TBCE: variants seen among roughly 807,000 people sequenced by gnomAD.
The protein encoded by TBCE is tubulin-specific chaperone E.
A neutral mutation model predicts 77.0 loss-of-function variants in TBCE; 53 were observed. That is an observed-to-expected ratio of 0.69 (90% CI 0.55 to 0.87). The LOEUF is 0.87. Among genes scored for constraint, TBCE ranks in the 40% least tolerant of loss-of-function variants. The probability of loss-of-function intolerance (pLI) is 0.00; values close to 1 mark genes in which losing one functional copy is unlikely to be tolerated. For missense variants in TBCE, 624 were observed against 622.4 expected, an observed-to-expected ratio of 1.00 and a Z score of -0.03; for synonymous variants, 235 against 241.3, an observed-to-expected ratio of 0.97 and a Z score of 0.24.
At chr1:235,448,509 C>CTAGA in intron 16 of TBCE, 69 bp downstream of exon 16, 2 of 1,495,308 alleles carry the variant, frequency 1.3e-6, no homozygotes, top group Non-Finnish European at 1.9e-6. Flanking sequence ...TAAACTGTCT[C>CTAGA]TAGATAGCAA....
At chr1:235,434,017 C>A in intron 7 of TBCE, 187 bp from the exon 8 acceptor site, 2 of 633,760 alleles carry the variant, frequency 3.2e-6, no homozygotes, top group East Asian at 5.5e-5. Flanking sequence ...TTAAAATGCA[C>A]CCCCTTAACA....
In TBCE at chr1:235,451,873, T is replaced by C. The variant is rs1185879059; in HGVS notation, c.*3111T>C. Reference sequence around the variant, plus strand: ...CCCAGGGCTCTAGTTTCCATTTTGGTCTCTGCAGATTCATTTTTTTTTCTG... The same window carrying C: ...CCCAGGGCTCTAGTTTCCATTTTGGCCTCTGCAGATTCATTTTTTTTTCTG... On this transcript the variant is annotated 3_prime_UTR_variant, in exon 17 of 17. Coordinates refer to ENST00000642610, the MANE Select transcript of TBCE (RefSeq NM_003193.5). 1 of 152,234 alleles carries C rather than the reference T, an allele frequency of 6.6e-6. No homozygotes were observed. The highest frequency in any genetic ancestry group is 1.5e-5 in the Non-Finnish European group (1 of 68,050). The allele number at this position is 152,234 out of a possible 1,614,324, so 9.4% of individuals were successfully genotyped here.
chr1:235,436,362 C>A, intron 9 of TBCE, 24 bp from the exon 10 acceptor site: 1 of 1,606,422 alleles, frequency 6.2e-7, no homozygotes, highest in South Asian at 1.1e-5. Context: ...TCTGTGTAAT[C>A]AAATTGTACA....
chr1:235,445,145 A>T (rs1449648357), intron 15 of TBCE, among the ~76,000 whole-genome samples: 2 of 152,252 alleles, frequency 1.3e-5, no homozygotes, highest in Non-Finnish European at 1.5e-5. Context: ...TCAGAATCTG[A>T]GTCCTATATT....
intron 5 of TBCE, among the ~76,000 whole-genome samples, chr1:235,425,248 T>G (rs538640559): frequency 3.5e-4 from 54 of 152,256 alleles, no homozygotes; most frequent in African/African-American, 9.9e-4. Context: ...GACAGTTCCA[T>G]TTGCACAGGC....
Position 235,392,417 on chromosome 1 carries a change from T to C in TBCE, c.101-9086T>C, listed in dbSNP as rs899180398. Among the ~76,000 whole-genome samples, 122 of 149,334 alleles carry C rather than the reference T, an allele frequency of 8.2e-4. 1 individual carries two copies. The highest frequency in any genetic ancestry group is 2.8e-3 in the African/African-American group (114 of 40,994). On this transcript the variant is annotated intron_variant, in intron 2 of 16. Coordinates refer to ENST00000642610, the MANE Select transcript of TBCE (RefSeq NM_003193.5). The stretch of plus-strand genomic sequence containing the variant: ...TGAACAGAATTTTTTTTTTTTTTTT[T>C]TTTTTTTTTTTAGACAGAGTCTCGC...
chr1:235,446,529 AC>A (rs1220092412), intron 15 of TBCE, among the ~76,000 whole-genome samples: 1 of 152,190 alleles, frequency 6.6e-6, no homozygotes, highest in Non-Finnish European at 1.5e-5. Flanking sequence ...CTAGAGGTAT[AC>A]CTCTCAAATT....
intron 15 of TBCE, among the ~76,000 whole-genome samples, chr1:235,445,457 C>T (rs1028132308): frequency 2.6e-5 from 4 of 152,016 alleles, no homozygotes; most frequent in African/African-American, 7.2e-5. Flanking sequence ...GGTGAAACCC[C>T]GTCTCTACAA....
chr1:235,443,542 A>AT (rs1433770217), intron 15 of TBCE, among the ~76,000 whole-genome samples: 2 of 152,158 alleles, frequency 1.3e-5, no homozygotes, highest in African/African-American at 4.8e-5. Context: ...GAGACCTTGA[A>AT]TGGCATAGCC....
chr1:235,448,367 AG>A lies in TBCE; in HGVS notation c.1420del (p.Val474Ter), dbSNP rs755029456. On this transcript the variant is annotated frameshift_variant, in exon 16 of 17. Coordinates refer to ENST00000642610, the MANE Select transcript of TBCE (RefSeq NM_003193.5). LOFTEE classifies it high-confidence loss of function. ...KQLPGSMTIQKVKGLLSRLLK... is the reference protein window; with the variant it reads ...KQLPGSMTIQXVKGLLSRLLK... The stretch of plus-strand genomic sequence containing the variant: ...TTGATAGGCTCCATGACAATTCAAA[AG>A]GTGAAGGGATTGCTGTCACGTCTTC... 1 of 1,614,212 alleles carries A rather than the reference AG, an allele frequency of 6.2e-7. No homozygotes were observed.
In TBCE at chr1:235,438,788, G is replaced by A. The variant is rs767425036; in HGVS notation, c.1136G>A (p.Arg379Gln). 9 of 1,614,026 alleles carry A rather than the reference G, an allele frequency of 5.6e-6. No homozygotes were observed. In the East Asian group the frequency reaches 6.7e-5, roughly 12 times the overall value. ...ACATAGATTCTCCCCGAGGAGAGGC[G>A]GAGAGCTGAGCTTGACTACCGAAAA... ...NKCEILPEER[R>Q]RAELDYRKAF... Residue 379 changes from arginine to glutamine, a missense_variant, in exon 13 of 17, where the codon CGG becomes CAG. Transcript: ENST00000642610.
chr1:235,447,519 C>T (rs1166602458), intron 15 of TBCE, among the ~76,000 whole-genome samples: 1 of 152,110 alleles, frequency 6.6e-6, no homozygotes, highest in Non-Finnish European at 1.5e-5. Context: ...AATACAGTTA[C>T]ACATGATGTA....
At position 235,451,809 on chromosome 1, in the gene TBCE, A is replaced by G. The variant is rs1479962893; in HGVS notation, c.*3047A>G. ...GGAAGCTGCAAGAATCCAGAACAGA[A>G]ATCTCTGAAGCTAAAGCCAGCTTTG... On this transcript the variant is annotated 3_prime_UTR_variant, in exon 17 of 17. Transcript: ENST00000642610. The G allele has an allele frequency of 1.3e-5, 2 of 152,190 alleles. No individual in the cohort carries two copies. The highest frequency in any genetic ancestry group is 2.9e-5 in the Non-Finnish European group (2 of 68,036). The allele number at this position is 152,190 out of a possible 1,614,324, so 9.4% of individuals were successfully genotyped here.
chr1:235,375,904 C>T (rs184899455), intron 1 of TBCE, among the ~76,000 whole-genome samples: 118 of 152,100 alleles, frequency 7.8e-4, no homozygotes, highest in African/African-American at 2.4e-3. Context: ...CAAAATTAGC[C>T]GGGCTTGGTG....
chr1:235,419,725 C>T (rs1247715306), intron 5 of TBCE, among the ~76,000 whole-genome samples, 164 bp downstream of exon 5: 1 of 152,164 alleles, frequency 6.6e-6, no homozygotes, highest in African/African-American at 2.4e-5. Flanking sequence ...TATTTACCTT[C>T]CCAGACCCCT....
intron 2 of TBCE, among the ~76,000 whole-genome samples, chr1:235,383,291 C>T (rs924395605): frequency 0.018 from 2,669 of 152,072 alleles, 27 homozygotes; most frequent in Middle Eastern, 0.071. Context: ...ATTGACATGG[C>T]GATGCGGGCT....
At chr1:235,403,031 A>G (rs1679210599) in intron 3 of TBCE, among the ~76,000 whole-genome samples, 1 of 152,088 alleles carries the variant, frequency 6.6e-6, no homozygotes, top group African/African-American at 2.4e-5. Flanking sequence ...CTGGTCCACT[A>G]TTTCATAATT....
chr1:235,376,165 A>G (rs1162834901), intron 1 of TBCE, among the ~76,000 whole-genome samples: 2 of 152,172 alleles, frequency 1.3e-5, no homozygotes, highest in Admixed American at 6.6e-5. Flanking sequence ...AGGAATGGAA[A>G]AAAAAAATTG....
chr1:235,422,499 G>A lies in TBCE; in HGVS notation c.460+2938G>A, dbSNP rs1444793026. 2.0e-5 allele frequency among the ~76,000 whole-genome samples: 3 copies of A among 149,742 alleles called. No individual in the cohort carries two copies. The East Asian group carries it at 5.9e-4, about 30-fold the overall frequency. ...CCACTGTGCTCTAGCCTGGGTGACA[G>A]AGCAGGACTCCATCTCAAAAAAAAA... is the stretch of plus-strand genomic sequence containing the variant. On this transcript the variant is annotated intron_variant, in intron 5 of 16. Coordinates refer to ENST00000642610, the MANE Select transcript of TBCE (RefSeq NM_003193.5).
Sources: allele counts gnomAD v4.1 joint callset (sites outside exome capture counted in the v4.1 genomes callset), GRCh38; gene constraint gnomAD v4.1.1; transcripts MANE v1.5; gene names NCBI Gene and HGNC (gene_info 2026-07-23, HGNC 2026-07-21).